The following PAPPA variants were observed in gnomAD, a reference collection of about 807,000 sequenced individuals.
PAPPA encodes the protein pappalysin 1.
A neutral mutation model predicts 164.0 loss-of-function variants in PAPPA; 60 were observed. That is an observed-to-expected ratio of 0.37 (90% CI 0.30 to 0.45). PAPPA has a LOEUF of 0.45. Among genes scored for constraint, PAPPA ranks in the 20% least tolerant of loss-of-function variants. The pLI is 1.00. For synonymous variants in PAPPA, 875 were observed against 814.1 expected, an observed-to-expected ratio of 1.07 and a Z score of -1.27; for missense variants, 1,782 against 2,087.3, an observed-to-expected ratio of 0.85 and a Z score of 2.85.
chr9:116,188,174 C>T lies in PAPPA; in HGVS notation c.1436C>T (p.Thr479Ile). ...DGGECCDPEITNVTQTCFDPD... is the reference protein window; with the variant it reads ...DGGECCDPEIINVTQTCFDPD... ...GGAGAGTGCTGTGACCCTGAAATCA[C>T]CAATGTCACTCAGACTTGCTTTGAC... Residue 479 changes from threonine (T) to isoleucine (I), a missense_variant, in exon 2 of 22, where the codon ACC becomes ATC. By Grantham distance (89) the Thr-to-Ile change is moderately conservative. Around this residue, in one of 2 missense-constraint regions of PAPPA, gnomAD observed 1,324 missense variants for 1,656.9 expected, o/e 0.80. Transcript: ENST00000328252. The T allele has an allele frequency of 6.2e-7, 1 of 1,613,794 alleles. No individual in the cohort carries two copies. The highest frequency in any genetic ancestry group is 8.5e-7 in the Non-Finnish European group (1 of 1,179,714).
intron 19 of PAPPA, among the ~76,000 whole-genome samples, chr9:116,374,993 A>G (rs1846630786): frequency 6.6e-6 from 1 of 152,264 alleles, no homozygotes; most frequent in African/African-American, 2.4e-5. Context: ...TCCACGCTTC[A>G]CCCTGGAAGG....
At chr9:116,309,211 G>T (rs1013485645) in intron 10 of PAPPA, among the ~76,000 whole-genome samples, 4 of 152,036 alleles carry the variant, frequency 2.6e-5, no homozygotes, top group African/African-American at 9.7e-5. Context: ...AAGTAGCTGG[G>T]ATTACAAGCC....
chr9:116,190,619 A>G (rs1243941343), intron 2 of PAPPA, among the ~76,000 whole-genome samples: 1 of 152,178 alleles, frequency 6.6e-6, no homozygotes, highest in African/African-American at 2.4e-5. Flanking sequence ...AGTTTTGGGG[A>G]AAAAAACTGT....
intron 10 of PAPPA, among the ~76,000 whole-genome samples, chr9:116,315,809 A>T (rs1158753112): frequency 2.0e-5 from 3 of 152,186 alleles, no homozygotes; most frequent in Non-Finnish European, 4.4e-5. Context: ...AAAAGGAAGG[A>T]CTACACAATA....
At chr9:116,344,759 C>T in intron 14 of PAPPA, 48 bp downstream of exon 14, 5 of 1,553,450 alleles carry the variant, frequency 3.2e-6, no homozygotes, top group Non-Finnish European at 4.4e-6. Context: ...CCAGGGAAGG[C>T]TTACTGGGTG....
chr9:116,188,080 T>C lies in PAPPA; in HGVS notation c.1342T>C (p.Phe448Leu). The C allele has an allele frequency of 6.2e-7, 1 of 1,614,178 alleles. No individual in the cohort carries two copies. The highest frequency in any genetic ancestry group is 8.5e-7 in the Non-Finnish European group (1 of 1,180,008). Residue 448 changes from phenylalanine to leucine, a missense_variant, in exon 2 of 22, where the codon TTC (phenylalanine) becomes CTC (leucine). Around this residue, in one of 2 missense-constraint regions of PAPPA, gnomAD observed 1,324 missense variants for 1,656.9 expected, o/e 0.80. Coordinates refer to ENST00000328252, the MANE Select transcript of PAPPA (RefSeq NM_002581.5). ...GDCRHLRHPA[F>L]VKKQHNGVCD... ...TTGCCGCCACCTGCGCCACCCTGCC[T>C]TCGTGAAGAAGCAGCACAACGGGGT...
In PAPPA at chr9:116,399,475, T is replaced by C. The variant is rs904558529; in HGVS notation, c.*2859T>C. 6.6e-6 allele frequency: 1 copy of C among 152,604 alleles called. No individual in the cohort carries two copies. Among genetic ancestry groups the C allele is most frequent in the African/African-American group, 2.4e-5 (1 of 41,440 alleles). 9.5% of individuals were successfully genotyped at this position (152,604 alleles called of 1,614,324 possible). ...GGAATTAACTCGTCATTTCATTCCTTCAGTCATCTTCTGTGTAGGTGACCG... is the reference window on the plus strand; with the variant it reads ...GGAATTAACTCGTCATTTCATTCCTCCAGTCATCTTCTGTGTAGGTGACCG... On this transcript the variant is annotated 3_prime_UTR_variant, in exon 22 of 22. Transcript: ENST00000328252.
At chr9:116,281,139 T>C (rs1219759752) in intron 9 of PAPPA, among the ~76,000 whole-genome samples, 1 of 152,226 alleles carries the variant, frequency 6.6e-6, no homozygotes, top group Non-Finnish European at 1.5e-5. Context: ...TGGTAGGGTG[T>C]GCATAGGTCA....
intron 9 of PAPPA, among the ~76,000 whole-genome samples, chr9:116,293,900 A>G (rs1255096224): frequency 6.6e-6 from 1 of 152,218 alleles, no homozygotes; most frequent in Non-Finnish European, 1.5e-5. Context: ...CAGTGAGCCA[A>G]GATTGCACCA....
At chr9:116,375,513 T>C (rs1361086496) in intron 19 of PAPPA, among the ~76,000 whole-genome samples, 1 of 152,238 alleles carries the variant, frequency 6.6e-6, no homozygotes, top group African/African-American at 2.4e-5. Context: ...AAGAAATTAT[T>C]GTCCACTGGT....
intron 19 of PAPPA, among the ~76,000 whole-genome samples, chr9:116,376,468 G>T (rs539563505): frequency 6.6e-6 from 1 of 152,186 alleles, no homozygotes; most frequent in South Asian, 2.1e-4. Context: ...GAAACAACTG[G>T]TTATTTTCAA....
chr9:116,365,876 G>A (rs957609670), intron 18 of PAPPA, among the ~76,000 whole-genome samples: 1 of 152,082 alleles, frequency 6.6e-6, no homozygotes, highest in Admixed American at 6.5e-5. Flanking sequence ...CACTGTTATC[G>A]ATTGTGGGGC....
At chr9:116,194,865 A>G (rs1244968201) in intron 2 of PAPPA, among the ~76,000 whole-genome samples, 1 of 152,214 alleles carries the variant, frequency 6.6e-6, no homozygotes, top group African/African-American at 2.4e-5. Flanking sequence ...GCCATATACA[A>G]ATTGAGAGCA....
intron 11 of PAPPA, among the ~76,000 whole-genome samples, chr9:116,331,752 A>G (rs945529841): frequency 5.3e-5 from 8 of 152,124 alleles, no homozygotes; most frequent in Admixed American, 2.6e-4. Context: ...AGAACTGTCT[A>G]TGGTCTTTCT....
At chr9:116,208,072 A>G (rs1844258991) in intron 3 of PAPPA, among the ~76,000 whole-genome samples, 2 of 152,098 alleles carry the variant, frequency 1.3e-5, no homozygotes, top group Non-Finnish European at 2.9e-5. Context: ...GTTTGCAAGA[A>G]CTCTGTGTTC....
At chr9:116,330,600 TGTGTGTGTGTGC>T (rs1227070509) in intron 10 of PAPPA, among the ~76,000 whole-genome samples, 1 of 151,536 alleles carries the variant, frequency 6.6e-6, no homozygotes, top group East Asian at 1.9e-4. Context: ...AATTTGTGTG[TGTGTGTGTGTGC>T]GTGTGTGTGT....
At chr9:116,301,009 T>G (rs1845573968) in intron 9 of PAPPA, among the ~76,000 whole-genome samples, 1 of 152,076 alleles carries the variant, frequency 6.6e-6, no homozygotes, top group Non-Finnish European at 1.5e-5. Flanking sequence ...AAGAAGTAAG[T>G]GAAGCCAGTT....
At chr9:116,192,282 A>G (rs1844052494) in intron 2 of PAPPA, among the ~76,000 whole-genome samples, 1 of 152,172 alleles carries the variant, frequency 6.6e-6, no homozygotes, top group Non-Finnish European at 1.5e-5. Context: ...CAGCCAGCCC[A>G]TGCAGAGGGT....
chr9:116,261,577 A>G (rs1587977072), intron 7 of PAPPA, among the ~76,000 whole-genome samples: 1 of 152,190 alleles, frequency 6.6e-6, no homozygotes, highest in South Asian at 2.1e-4. Context: ...CATATTAACT[A>G]CATACCAATA....
Sources: gnomAD v4.1 joint callset for allele counts (sites outside exome capture counted in the v4.1 genomes callset) on GRCh38, gnomAD v4.1.1 for gene constraint, gnomAD v4.1.1 regional missense constraint, MANE v1.5 for transcripts, NCBI Gene and HGNC (gene_info 2026-07-23, HGNC 2026-07-21) for gene names.